Variants in LRMDA observed in about 807,000 individuals in gnomAD.
LRMDA encodes leucine rich melanocyte differentiation associated, also known as leucine-rich melanocyte differentiation-associated protein.
A neutral mutation model predicts 29.8 loss-of-function variants in LRMDA; 18 were observed. The ratio of observed to expected loss-of-function variants is 0.60; its 90% CI spans 0.42 to 0.90. LRMDA has a LOEUF of 0.90. Among genes scored for constraint, LRMDA ranks in the 40% least tolerant of loss-of-function variants. The pLI is 0.00. For synonymous variants in LRMDA, 125 were observed against 109.4 expected, an observed-to-expected ratio of 1.14 and a Z score of -0.89; for missense variants, 273 against 273.9, an observed-to-expected ratio of 1.00 and a Z score of 0.02.
At chr10:76,467,281 C>T (rs1165936197) in intron 6 of LRMDA, among the ~76,000 whole-genome samples, 3 of 152,020 alleles carry the variant, frequency 2.0e-5, no homozygotes, top group East Asian at 1.9e-4. Flanking sequence ...TACTATTGGC[C>T]GAAACTGAGT....
At chr10:76,001,470 T>C (rs900576276) in intron 2 of LRMDA, among the ~76,000 whole-genome samples, 1 of 152,198 alleles carries the variant, frequency 6.6e-6, no homozygotes, top group African/African-American at 2.4e-5. Flanking sequence ...ATTTTAAAAA[T>C]CATTTTTATA....
At chr10:75,928,077 A>G (rs1846149298) in intron 2 of LRMDA, among the ~76,000 whole-genome samples, 1 of 134,682 alleles carries the variant, frequency 7.4e-6, no homozygotes, top group African/African-American at 2.6e-5. Flanking sequence ...CATCATCATC[A>G]TCATCTATTT....
chr10:75,772,129 A>G (rs895377798), intron 2 of LRMDA, among the ~76,000 whole-genome samples: 1 of 152,244 alleles, frequency 6.6e-6, no homozygotes, highest in Non-Finnish European at 1.5e-5. Context: ...AAGCAATTCA[A>G]CTATTAATTT....
At chr10:76,147,185 G>T (rs1216695722) in intron 5 of LRMDA, among the ~76,000 whole-genome samples, 1 of 152,162 alleles carries the variant, frequency 6.6e-6, no homozygotes. Flanking sequence ...CTCTTGAGGA[G>T]TATCTTTGTG....
intron 6 of LRMDA, among the ~76,000 whole-genome samples, chr10:76,494,338 T>C (rs1188429986): frequency 1.3e-5 from 2 of 151,526 alleles, no homozygotes; most frequent in East Asian, 3.9e-4. Flanking sequence ...TTTTTTTTTT[T>C]TTTAAATGAC....
At chr10:75,607,338 T>G (rs1840968864) in intron 2 of LRMDA, among the ~76,000 whole-genome samples, 1 of 152,232 alleles carries the variant, frequency 6.6e-6, no homozygotes, top group Non-Finnish European at 1.5e-5. Flanking sequence ...TCTGTTAGAT[T>G]CGAATGAATA....
At chr10:75,548,726 T>G (rs1840108631) in intron 2 of LRMDA, among the ~76,000 whole-genome samples, 1 of 152,132 alleles carries the variant, frequency 6.6e-6, no homozygotes, top group Admixed American at 6.6e-5. Flanking sequence ...TTCTTATCTC[T>G]TTGATCTCTG....
At position 76,489,840 on chromosome 10, in the gene LRMDA, A is replaced by G. The variant is rs79374119; in HGVS notation, c.602-67369A>G. Among the ~76,000 whole-genome samples the G allele has an allele frequency of 4.5e-3, 677 of 151,860 alleles. 1 individual carries two copies. Among genetic ancestry groups the G allele is most frequent in the African/African-American group, 0.015 (631 of 41,450 alleles). On this transcript the variant is annotated intron_variant, in intron 6 of 6. Transcript: ENST00000611255. ...ATCTGTTCCCCAATTATATGTATATATATAGCTTCCCTCTTCACTTGACAC... is the reference window on the plus strand; with the variant it reads ...ATCTGTTCCCCAATTATATGTATATGTATAGCTTCCCTCTTCACTTGACAC...
intron 2 of LRMDA, among the ~76,000 whole-genome samples, chr10:75,852,257 A>G (rs1049142445): frequency 2.0e-5 from 3 of 152,192 alleles, no homozygotes; most frequent in African/African-American, 7.2e-5. Flanking sequence ...AAAAATAGAG[A>G]TTGAAAACTC....
chr10:76,324,308 G>C, intron 5 of LRMDA, 93 bp from the exon 6 acceptor site: 1 of 1,088,630 alleles, frequency 9.2e-7, no homozygotes, highest in Admixed American at 1.8e-5. Flanking sequence ...TTTTCTCCAA[G>C]CTCAGATCCC....
intron 5 of LRMDA, among the ~76,000 whole-genome samples, chr10:76,196,835 A>T (rs1368579266): frequency 6.6e-6 from 1 of 152,258 alleles, no homozygotes; most frequent in Non-Finnish European, 1.5e-5. Context: ...CCGTATTTCA[A>T]CTTAGCACAG....
intron 2 of LRMDA, among the ~76,000 whole-genome samples, chr10:75,862,661 C>T (rs562844945): frequency 2.6e-5 from 4 of 152,172 alleles, no homozygotes; most frequent in Admixed American, 1.3e-4. Flanking sequence ...CCACATCAAT[C>T]GGTAGTGCAT....
chr10:75,846,596 A>G (rs993837654), intron 2 of LRMDA, among the ~76,000 whole-genome samples: 8 of 152,216 alleles, frequency 5.3e-5, no homozygotes, highest in African/African-American at 1.9e-4. Context: ...TTCATTTTTC[A>G]TTAAGTCTTT....
chr10:75,862,522 C>A lies in LRMDA; in HGVS notation c.132-173486C>A, dbSNP rs190623798. 7.9e-4 allele frequency among the ~76,000 whole-genome samples: 120 copies of A among 152,158 alleles called. 1 individual carries two copies. The highest frequency in any genetic ancestry group is 1.3e-4 in the Admixed American group (2 of 15,286). ...TTCTGCAGCTTGCATGCATGGAGAA[C>A]CTGGAAGAATTTATAAATCCATCAT... On this transcript the variant is annotated intron_variant, in intron 2 of 6. Coordinates refer to ENST00000611255, the MANE Select transcript of LRMDA (RefSeq NM_001305581.2).
chr10:76,274,643 G>A (rs940904844), intron 5 of LRMDA, among the ~76,000 whole-genome samples: 3 of 152,122 alleles, frequency 2.0e-5, no homozygotes, highest in African/African-American at 7.2e-5. Flanking sequence ...TGTGAGAGCT[G>A]CTTTGCTATG....
chr10:75,563,282 A>G (rs1840323966), intron 2 of LRMDA, among the ~76,000 whole-genome samples: 1 of 151,792 alleles, frequency 6.6e-6, no homozygotes, highest in African/African-American at 2.4e-5. Flanking sequence ...CATTCATTTC[A>G]TCTTCCATCA....
intron 2 of LRMDA, among the ~76,000 whole-genome samples, chr10:76,012,448 C>CTG (rs1847800854): frequency 1.3e-5 from 2 of 152,184 alleles, no homozygotes; most frequent in East Asian, 3.9e-4. Flanking sequence ...GAATCCATGG[C>CTG]TGTGTGTGTG....
intron 5 of LRMDA, among the ~76,000 whole-genome samples, chr10:76,202,537 G>T (rs571174944): frequency 6.6e-6 from 1 of 152,010 alleles, no homozygotes; most frequent in African/African-American, 2.4e-5. Flanking sequence ...GTTTGGAAAA[G>T]AATTTTAATG....
intron 6 of LRMDA, among the ~76,000 whole-genome samples, chr10:76,489,182 C>T (rs554181789): frequency 7.2e-4 from 110 of 151,854 alleles, no homozygotes; most frequent in African/African-American, 2.5e-3. Flanking sequence ...ATTACAGCTT[C>T]GATTTTGTTA....
Sources: gnomAD v4.1 joint callset for allele counts (sites outside exome capture counted in the v4.1 genomes callset) on GRCh38, gnomAD v4.1.1 for gene constraint, MANE v1.5 for transcripts, NCBI Gene and HGNC (gene_info 2026-07-23, HGNC 2026-07-21) for gene names.